The following ARID4B variants were observed in gnomAD, a reference collection of about 807,000 sequenced individuals.
ARID4B encodes AT-rich interaction domain 4B, also known as AT-rich interactive domain-containing protein 4B.
A neutral mutation model predicts 147.5 loss-of-function variants in ARID4B; 26 were observed. That is an observed-to-expected ratio of 0.18 (90% confidence interval 0.13 to 0.24). ARID4B has a LOEUF of 0.24. ARID4B is among the 10% of genes least tolerant of loss of function. The probability of loss-of-function intolerance (pLI) is 1.00; values close to 1 mark genes in which losing one functional copy is unlikely to be tolerated. For missense variants in ARID4B, 1,179 were observed against 1,511.5 expected (o/e 0.78, Z 3.65); for synonymous variants, 512 against 507.9 (o/e 1.01, Z -0.11).
chr1:235,201,905 TA>T (rs569970277), intron 17 of ARID4B, among the ~76,000 whole-genome samples: 36 of 147,498 alleles, frequency 2.4e-4, no homozygotes, highest in African/African-American at 8.5e-4. Context: ...TAAAATAAAA[TA>T]AAATAAAATA....
rs796826488 is a variant in ARID4B, at chr1:235,221,810, G to A, written c.1066-148C>T. 19 of 326,358 alleles carry A rather than the reference G, an allele frequency of 5.8e-5. 1 individual carries two copies. The highest frequency in any genetic ancestry group is 4.4e-4 in the African/African-American group (19 of 43,662). The allele number at this position is 326,358 out of a possible 1,614,324, so 20.2% of individuals were successfully genotyped here. A position where few individuals can be genotyped will look rare whatever the true frequency, so the allele number is the denominator to read the frequency against. ...TAAAAACTTGATAAATTCTAAATTT[G>A]GTTTAAAAATAAAGGTTTTAGTACT... On this transcript the variant is annotated intron_variant, in intron 13 of 23. Coordinates refer to ENST00000264183, the MANE Select transcript of ARID4B (RefSeq NM_016374.6).
chr1:235,207,799 T>C (rs1381150581), intron 17 of ARID4B, among the ~76,000 whole-genome samples: 1 of 152,128 alleles, frequency 6.6e-6, no homozygotes, highest in Non-Finnish European at 1.5e-5. Context: ...TTTTACCAGG[T>C]TTTTTCATCC....
At chr1:235,168,797 CT>C in intron 23 of ARID4B, 145 bp from the exon 24 acceptor site, 1 of 857,364 alleles carries the variant, frequency 1.2e-6, no homozygotes, top group Admixed American at 3.0e-5. Context: ...TCTCACAGTT[CT>C]ACGATGTGAA....
At chr1:235,258,251 G>C (rs1166183397) in intron 3 of ARID4B, among the ~76,000 whole-genome samples, 1 of 152,140 alleles carries the variant, frequency 6.6e-6, no homozygotes, top group African/African-American at 2.4e-5. Context: ...AGAATCACTT[G>C]AACCAGGGAG....
rs573141394 is a variant in ARID4B at position 235,215,099 on chromosome 1, C to T, written c.1584-1073G>A. 4.2e-4 allele frequency among the ~76,000 whole-genome samples: 64 copies of T among 152,200 alleles called. No homozygotes were observed. In the Middle Eastern group the frequency reaches 0.01, roughly 24 times the overall value. On this transcript the variant is annotated intron_variant, in intron 16 of 23. Transcript: ENST00000264183. ...ACCTCAGGTGATCCACCCACCGTGGCCTCCCAAAGTGCTGGGATTACAGCC... is the reference window on the plus strand; with the variant it reads ...ACCTCAGGTGATCCACCCACCGTGGTCTCCCAAAGTGCTGGGATTACAGCC...
At chr1:235,280,687 T>C (rs1671609386) in intron 2 of ARID4B, among the ~76,000 whole-genome samples, 2 of 152,110 alleles carry the variant, frequency 1.3e-5, no homozygotes, top group Non-Finnish European at 2.9e-5. Context: ...GGGCGCAGGG[T>C]GGGGCTGCCA....
chr1:235,184,148 A>T (rs986121041), intron 19 of ARID4B, among the ~76,000 whole-genome samples: 1 of 152,228 alleles, frequency 6.6e-6, no homozygotes, highest in Non-Finnish European at 1.5e-5. Flanking sequence ...GATGTTTTAA[A>T]GAATAGATAT....
At chr1:235,252,867 T>C (rs953857731) in intron 5 of ARID4B, 58 bp from the exon 6 acceptor site, 72 of 1,400,816 alleles carry the variant, frequency 5.1e-5, no homozygotes, top group Non-Finnish European at 7.1e-5. Flanking sequence ...ATCAAAGAGA[T>C]GACATGTATT....
rs369010617 is a variant in ARID4B, at chr1:235,255,741, T to G, written c.193A>C (p.Ile65Leu). The G allele has an allele frequency of 3.1e-6, 5 of 1,607,650 alleles. No homozygotes were observed. In the African/African-American group the frequency reaches 6.7e-5, roughly 22 times the overall value. The change falls in exon 5 of 24, where the codon ATT (isoleucine) becomes CTT (leucine). Residue 65 changes from isoleucine (I) to leucine (L), a missense_variant. Coordinates refer to ENST00000264183, the MANE Select transcript of ARID4B (RefSeq NM_016374.6). ...HIKGPLKVGA[I>L]VEVKNLDGAY... ...CCATCAAGATTCTTCACTTCCACAA[T>G]AGCTCCTACCTAAAGTATTTTTAAA...
chr1:235,326,358 C>T (rs2103323259), intron 2 of ARID4B, among the ~76,000 whole-genome samples: 1 of 152,224 alleles, frequency 6.6e-6, no homozygotes, highest in Non-Finnish European at 1.5e-5. Flanking sequence ...TACAGACCAA[C>T]CAGATCAATA....
chr1:235,171,831 G>A (rs965616604), intron 23 of ARID4B, among the ~76,000 whole-genome samples: 5 of 151,918 alleles, frequency 3.3e-5, no homozygotes, highest in African/African-American at 4.8e-5. Context: ...TAGTAGAGAC[G>A]GGGTTTCACT....
intron 3 of ARID4B, among the ~76,000 whole-genome samples, chr1:235,258,671 T>G (rs987051961): frequency 6.6e-6 from 1 of 152,202 alleles, no homozygotes; most frequent in Non-Finnish European, 1.5e-5. Context: ...GATAATTATT[T>G]TAGGTAACAG....
chr1:235,237,256 T>A (rs1374790097), intron 8 of ARID4B, among the ~76,000 whole-genome samples: 1 of 152,060 alleles, frequency 6.6e-6, no homozygotes, highest in Non-Finnish European at 1.5e-5. Flanking sequence ...GATGCTTTTT[T>A]TCAGCTTAAT....
At chr1:235,231,031 A>G (rs991807584) in intron 10 of ARID4B, 82 bp downstream of exon 10, 3 of 993,604 alleles carry the variant, frequency 3.0e-6, no homozygotes, top group East Asian at 2.6e-5. Flanking sequence ...GAAAAATTTT[A>G]AAGAGCAAAG....
chr1:235,223,684 C>CGTTG (rs149769753), intron 12 of ARID4B, among the ~76,000 whole-genome samples: 1 of 117,144 alleles, frequency 8.5e-6, no homozygotes, highest in African/African-American at 3.4e-5. Flanking sequence ...AGTAAAGCTA[C>CGTTG]ATTTTTTTTT....
At chr1:235,223,368 CGT>C (rs1491415663) in intron 12 of ARID4B, 108 bp from the exon 13 acceptor site, 8 of 268,078 alleles carry the variant, frequency 3.0e-5, no homozygotes, top group East Asian at 2.3e-4. Context: ...TATATATACA[CGT>C]ATATATATAT....
chr1:235,225,052 G>GGTTTT (rs200173989), intron 11 of ARID4B, among the ~76,000 whole-genome samples: 19 of 124,568 alleles, frequency 1.5e-4, no homozygotes, highest in African/African-American at 4.2e-4. Flanking sequence ...GACTGTTCGT[G>GGTTTT]GTTTTGTTTT....
intron 11 of ARID4B, among the ~76,000 whole-genome samples, chr1:235,226,429 C>T (rs1446189415): frequency 2.0e-5 from 3 of 152,064 alleles, no homozygotes; most frequent in African/African-American, 4.8e-5. Flanking sequence ...GGTGTCATCT[C>T]GGCTCACTGC....
chr1:235,234,600 A>AAATTAGT, intron 8 of ARID4B, 108 bp from the exon 9 acceptor site: 1 of 784,966 alleles, frequency 1.3e-6, no homozygotes, highest in Non-Finnish European at 2.0e-6. Flanking sequence ...TTAAAAACTA[A>AAATTAGT]TTTTAGTTTG....
Sources: allele counts gnomAD v4.1 joint callset (sites outside exome capture counted in the v4.1 genomes callset), GRCh38; gene constraint gnomAD v4.1.1; transcripts MANE v1.5; gene names NCBI Gene and HGNC (gene_info 2026-07-23, HGNC 2026-07-21).